PRKCB: variants seen among roughly 807,000 people sequenced by gnomAD.
The protein encoded by PRKCB is protein kinase C beta.
A neutral mutation model predicts 81.5 loss-of-function variants in PRKCB; 13 were observed. The ratio of observed to expected loss-of-function variants is 0.16; its 90% CI spans 0.10 to 0.25. The LOEUF (loss-of-function observed/expected upper bound fraction) is 0.25, where lower values mean the gene tolerates loss of function less well. PRKCB is among the 10% of genes least tolerant of loss of function. The pLI is 1.00. For synonymous variants in PRKCB, 335 were observed against 321.4 expected, an observed-to-expected ratio of 1.04 and a Z score of -0.45; for missense variants, 509 against 875.7, an observed-to-expected ratio of 0.58 and a Z score of 5.29.
intron 9 of PRKCB, among the ~76,000 whole-genome samples, chr16:24,127,312 T>G (rs1966846248): frequency 6.6e-6 from 1 of 152,086 alleles, no homozygotes; most frequent in African/African-American, 2.4e-5. Flanking sequence ...GGCCATGATA[T>G]TCTTAATAAG....
chr16:24,174,636 C>G lies in PRKCB; in HGVS notation c.1394+56C>G, dbSNP rs996684255. ...TTCATCTCCCTCAGCTCCTCCCTGC[C>G]CTGCCTCTTTCTTCAGCTGCTTTTA... On this transcript the variant is annotated intron_variant, in intron 12 of 16. Transcript: ENST00000643927. 6.2e-6 allele frequency: 9 copies of G among 1,447,054 alleles called. No homozygotes were observed. The African/African-American group carries it at 1.1e-4, about 18-fold the overall frequency. The allele number at this position is 1,447,054 out of a possible 1,614,324, so 89.6% of individuals were successfully genotyped here. A position where few individuals can be genotyped will look rare whatever the true frequency, so the allele number is the denominator to read the frequency against.
At chr16:23,998,641 T>C (rs1485562775) in intron 3 of PRKCB, among the ~76,000 whole-genome samples, 1 of 152,218 alleles carries the variant, frequency 6.6e-6, no homozygotes, top group Non-Finnish European at 1.5e-5. Flanking sequence ...AGCATTGTTA[T>C]GAGTATCAAA....
intron 14 of PRKCB, 25 bp downstream of exon 14, chr16:24,185,216 A>G: frequency 6.3e-7 from 1 of 1,596,222 alleles, no homozygotes; most frequent in Non-Finnish European, 8.6e-7. Flanking sequence ...AGTGATCGAT[A>G]AGAGAAGTCC....
At chr16:24,140,345 C>A (rs1015918804) in intron 9 of PRKCB, among the ~76,000 whole-genome samples, 2 of 152,138 alleles carry the variant, frequency 1.3e-5, no homozygotes, top group East Asian at 1.9e-4. Context: ...ATGGTGAATG[C>A]AGTGTACTGA....
chr16:23,959,193 G>T (rs1964391200), intron 2 of PRKCB, among the ~76,000 whole-genome samples: 1 of 152,148 alleles, frequency 6.6e-6, no homozygotes, highest in Non-Finnish European at 1.5e-5. Context: ...ATTATGTCAA[G>T]GGTGAAAGAA....
rs116447934 is a variant in PRKCB, at chr16:24,144,207, G to C, written c.1066-10477G>C. Reference sequence around the variant, plus strand: ...AAAAAAAAGAAAAGAGAACGAAGGAGAGAGGGAGATGGCAAAGGAGGGAAA... The same window carrying C: ...AAAAAAAAGAAAAGAGAACGAAGGACAGAGGGAGATGGCAAAGGAGGGAAA... On this transcript the variant is annotated intron_variant, in intron 9 of 16. Coordinates refer to ENST00000643927, the MANE Select transcript of PRKCB (RefSeq NM_002738.7). Among the ~76,000 whole-genome samples the C allele has an allele frequency of 5.3e-3, 809 of 152,268 alleles. 9 individuals carry two copies. The highest frequency in any genetic ancestry group is 0.019 in the African/African-American group (774 of 41,562).
At chr16:24,046,940 T>C (rs1030652146) in intron 5 of PRKCB, among the ~76,000 whole-genome samples, 1 of 152,152 alleles carries the variant, frequency 6.6e-6, no homozygotes, top group Non-Finnish European at 1.5e-5. Context: ...TGTGGTAGCA[T>C]GTGGCTATGG....
At chr16:24,160,432 TG>T (rs776322308) in intron 10 of PRKCB, among the ~76,000 whole-genome samples, 65 of 152,260 alleles carry the variant, frequency 4.3e-4, no homozygotes, top group Non-Finnish European at 7.2e-4. Flanking sequence ...TTGCATGGCC[TG>T]GATCTGCAGA....
intron 5 of PRKCB, among the ~76,000 whole-genome samples, chr16:24,076,182 GGT>G: frequency 6.6e-6 from 1 of 152,180 alleles, no homozygotes; most frequent in Non-Finnish European, 1.5e-5. Context: ...TCTCAGTCAT[GGT>G]GTGAGGGAAA....
At chr16:24,066,647 T>C (rs1485014604) in intron 5 of PRKCB, among the ~76,000 whole-genome samples, 2 of 152,156 alleles carry the variant, frequency 1.3e-5, no homozygotes, top group East Asian at 3.8e-4. Flanking sequence ...CACGATATTC[T>C]TAGTGTATTC....
intron 16 of PRKCB, among the ~76,000 whole-genome samples, chr16:24,197,741 T>C (rs1967900429): frequency 6.6e-6 from 1 of 152,088 alleles, no homozygotes; most frequent in African/African-American, 2.4e-5. Flanking sequence ...ACCCCCAAGT[T>C]GGCATCCTCA....
At chr16:24,107,257 G>C (rs1337668872) in intron 7 of PRKCB, among the ~76,000 whole-genome samples, 1 of 152,046 alleles carries the variant, frequency 6.6e-6, no homozygotes, top group Non-Finnish European at 1.5e-5. Context: ...TCTCTCTTTT[G>C]GCAGCAGTTG....
chr16:23,875,789 CACACATATATGTGTGTATATCATAT>C (rs1963003949), intron 2 of PRKCB, among the ~76,000 whole-genome samples: 8 of 59,006 alleles, frequency 1.4e-4, no homozygotes, highest in African/African-American at 4.8e-4. Context: ...GTGTGTATAT[CACACATATATGTGTGTATATCATAT>C]ATATATATGC....
At chr16:24,207,301 G>A (rs1239438520) in intron 16 of PRKCB, among the ~76,000 whole-genome samples, 1 of 152,060 alleles carries the variant, frequency 6.6e-6, no homozygotes, top group African/African-American at 2.4e-5. Context: ...GATAATTGCT[G>A]TCTCATTTAA....
chr16:24,050,383 G>A (rs894147501), intron 5 of PRKCB, among the ~76,000 whole-genome samples: 1 of 152,042 alleles, frequency 6.6e-6, no homozygotes, highest in Admixed American at 6.6e-5. Context: ...CTGTGTTGCC[G>A]AGGAGCGAAG....
At chr16:24,136,467 A>AT (rs1243569972) in intron 9 of PRKCB, among the ~76,000 whole-genome samples, 1 of 152,122 alleles carries the variant, frequency 6.6e-6, no homozygotes, top group Non-Finnish European at 1.5e-5. Context: ...CAGCAGTCTG[A>AT]TAACCATGGC....
chr16:23,967,088 C>G (rs573500054), intron 2 of PRKCB, among the ~76,000 whole-genome samples: 1 of 151,878 alleles, frequency 6.6e-6, no homozygotes, highest in African/African-American at 2.4e-5. Flanking sequence ...TAAGACACTC[C>G]TCTAATTGCT....
At chr16:23,986,211 A>G (rs1294968994) in intron 2 of PRKCB, among the ~76,000 whole-genome samples, 3 of 152,200 alleles carry the variant, frequency 2.0e-5, no homozygotes, top group Admixed American at 2.0e-4. Flanking sequence ...TTTCCCTTTT[A>G]GTGGTTTAAA....
chr16:23,881,933 T>TTTCATGGC (rs1963114589), intron 2 of PRKCB, among the ~76,000 whole-genome samples: 1 of 152,108 alleles, frequency 6.6e-6, no homozygotes, highest in South Asian at 2.1e-4. Context: ...GTATTTGTCT[T>TTTCATGGC]TTCATGGCTG....
Sources: allele counts gnomAD v4.1 joint callset (sites outside exome capture counted in the v4.1 genomes callset), GRCh38; gene constraint gnomAD v4.1.1; transcripts MANE v1.5; gene names NCBI Gene and HGNC (gene_info 2026-07-23, HGNC 2026-07-21).